Variants in B4GALNT2 observed in about 807,000 individuals in gnomAD.
B4GALNT2 encodes the protein beta-1,4-N-acetyl-galactosaminyltransferase 2 (SID blood group).
A neutral mutation model predicts 51.1 loss-of-function variants in B4GALNT2; 42 were observed. That is an observed-to-expected ratio of 0.82 (90% CI 0.64 to 1.06). B4GALNT2 has a LOEUF of 1.06. Ranked by LOEUF, B4GALNT2 falls within the 50% of genes least tolerant of loss-of-function variation. The probability of loss-of-function intolerance (pLI) is 0.00; values close to 1 mark genes in which losing one functional copy is unlikely to be tolerated. For missense variants in B4GALNT2, 602 were observed against 633.6 expected (o/e 0.95, Z 0.54); for synonymous variants, 253 against 251.7 (o/e 1.01, Z -0.05).
At chr17:49,152,979 G>A (rs902356769) in intron 4 of B4GALNT2, 73 bp downstream of exon 4, 33 of 1,344,260 alleles carry the variant, frequency 2.5e-5, no homozygotes, top group Middle Eastern at 1.8e-4. Context: ...GGGAGAGGTC[G>A]GGTGCAGTGG....
rs1254460083 is a variant in B4GALNT2 at position 49,158,970 on chromosome 17, A to G, written c.499-67A>G. On this transcript the variant is annotated intron_variant, in intron 5 of 10. Transcript: ENST00000393354. ...GCCCTGGCTCCTGGCCTGGGTATGT[A>G]TGTATCTTTCCAGGGAGATATTTTC... is the stretch of plus-strand genomic sequence containing the variant. The G allele has an allele frequency of 3.2e-6, 5 of 1,542,850 alleles. No individual in the cohort carries two copies. The African/African-American group carries it at 4.1e-5, about 13-fold the overall frequency.
intron 1 of B4GALNT2, among the ~76,000 whole-genome samples, chr17:49,133,586 A>G (rs2042561214): frequency 1.3e-5 from 2 of 152,168 alleles, no homozygotes; most frequent in Non-Finnish European, 2.9e-5. Context: ...ATGCAATAAC[A>G]TGTTTGTGAC....
intron 1 of B4GALNT2, among the ~76,000 whole-genome samples, chr17:49,140,156 A>G (rs537254328): frequency 6.6e-6 from 1 of 151,150 alleles, no homozygotes; most frequent in Non-Finnish European, 1.5e-5. Flanking sequence ...GCTGGAGTGC[A>G]GTGGCGTGAT....
intron 1 of B4GALNT2, among the ~76,000 whole-genome samples, chr17:49,137,148 G>A (rs2042598506): frequency 6.6e-6 from 1 of 151,836 alleles, no homozygotes; most frequent in Non-Finnish European, 1.5e-5. Flanking sequence ...CTTCCAATAG[G>A]TATTTTAAAA....
intron 1 of B4GALNT2, chr17:49,133,247 G>A: frequency 6.8e-7 from 1 of 1,465,862 alleles, no homozygotes. Context: ...CGCGGGGACT[G>A]CGGGCTGTGG....
upstream of B4GALNT2, among the ~76,000 whole-genome samples, chr17:49,129,712 G>GGC (rs61199841): frequency 0.51 from 76,264 of 150,492 alleles, 19,623 homozygotes; most frequent in Middle Eastern, 0.6. Context: ...ATTTCTGTGT[G>GGC]GGGGGGGAAG....
chr17:49,121,334 C>T, the B4GALNT2 span, among the ~76,000 whole-genome samples: 75 of 152,312 alleles, frequency 4.9e-4, 1 homozygote, highest in African/African-American at 1.7e-3. Flanking sequence ...TACCTGAGCA[C>T]TCCTCTTGGT....
chr17:49,125,395 G>A, the B4GALNT2 span, among the ~76,000 whole-genome samples: 1 of 152,108 alleles, frequency 6.6e-6, no homozygotes, highest in African/African-American at 2.4e-5. Flanking sequence ...CCTGACCTCA[G>A]GTGATCCTCC....
In B4GALNT2 at chr17:49,174,147, A is replaced by G. The variant is rs2144354788; in HGVS notation, c.*4419A>G. The G allele has an allele frequency of 6.6e-6, 1 of 152,278 alleles. No homozygotes were observed. Among genetic ancestry groups the G allele is most frequent in the Middle Eastern group, 3.4e-3 (1 of 294 alleles). 9.4% of individuals were successfully genotyped at this position (152,278 alleles called of 1,614,324 possible). The stretch of plus-strand genomic sequence containing the variant: ...GAGTAGCAGTCTGAATTTTGTCAGG[A>G]GCTATAATTAAACCAGCATGAGAAA... On this transcript the variant is annotated 3_prime_UTR_variant, in exon 11 of 11. Coordinates refer to ENST00000393354, the MANE Select transcript of B4GALNT2 (RefSeq NM_001159387.2).
At chr17:49,141,219 CAT>C in intron 1 of B4GALNT2, 26 bp from the exon 2 acceptor site, 1 of 1,593,260 alleles carries the variant, frequency 6.3e-7, no homozygotes, top group South Asian at 1.1e-5. Context: ...AAGATTTTAA[CAT>C]AATCTGTTCT....
At position 49,173,026 on chromosome 17, in the gene B4GALNT2, G is replaced by A. The variant is rs1456975527; in HGVS notation, c.*3298G>A. 1 of 152,250 alleles carries A rather than the reference G, an allele frequency of 6.6e-6. No individual in the cohort carries two copies. Among genetic ancestry groups the A allele is most frequent in the Non-Finnish European group, 1.5e-5 (1 of 68,046 alleles). The allele number at this position is 152,250 out of a possible 1,614,324, so 9.4% of individuals were successfully genotyped here. The stretch of plus-strand genomic sequence containing the variant: ...TCCAGGTAATGCCGTATCTGTGTTT[G>A]AGACCAGAGGCATTAACATAGGTTA... On this transcript the variant is annotated 3_prime_UTR_variant, in exon 11 of 11. Coordinates refer to ENST00000393354, the MANE Select transcript of B4GALNT2 (RefSeq NM_001159387.2).
intron 7 of B4GALNT2, among the ~76,000 whole-genome samples, chr17:49,161,547 G>A (rs2042865670): frequency 6.6e-6 from 1 of 152,062 alleles, no homozygotes; most frequent in Admixed American, 6.6e-5. Context: ...GTGCAACAGA[G>A]CAAGACCCTG....
At chr17:49,167,157 GAGA>G (rs10541174) in intron 9 of B4GALNT2, among the ~76,000 whole-genome samples, 31,545 of 151,994 alleles carry the variant, frequency 0.21, 3,712 homozygotes, top group East Asian at 0.5. Flanking sequence ...TAACTTAAGA[GAGA>G]AGATGTTCCA....
At position 49,174,509 on chromosome 17, in the gene B4GALNT2, G is replaced by A. The variant is rs1362925215; in HGVS notation, c.*4781G>A. 3.3e-5 allele frequency: 5 copies of A among 152,232 alleles called. No homozygotes were observed. The highest frequency in any genetic ancestry group is 2.9e-5 in the Non-Finnish European group (2 of 68,046). The allele number at this position is 152,232 out of a possible 1,614,324, so 9.4% of individuals were successfully genotyped here. A position where few individuals can be genotyped will look rare whatever the true frequency, so the allele number is the denominator to read the frequency against. On this transcript the variant is annotated 3_prime_UTR_variant, in exon 11 of 11. Transcript: ENST00000393354. The stretch of plus-strand genomic sequence containing the variant: ...CCAATTCTTTGGAATCATAGCAGGA[G>A]AAGGCAGTCCTGGCTGCAATGTCCC...
chr17:49,169,630 GAGA>G lies in B4GALNT2; in HGVS notation c.1427_1429del (p.Lys476del). On this transcript the variant is annotated inframe_deletion, in exon 11 of 11. Transcript: ENST00000393354. ...GGTGGACTCAGAACTGGCTGCCCTA[GAGA>G]AGACCTACAATACATACCGGTCCAA... 1 of 1,613,290 alleles carries G rather than the reference GAGA, an allele frequency of 6.2e-7. No homozygotes were observed. Among genetic ancestry groups the G allele is most frequent in the African/African-American group, 1.3e-5 (1 of 75,016 alleles).
In B4GALNT2 at chr17:49,160,594, T is replaced by C; in HGVS notation, c.719T>C (p.Val240Ala). ...AGGTCCTCAGTGGCCAAGTTTCCAGTGACCATCCGCCATCCTGTCATACCC... is the reference window on the plus strand; with the variant it reads ...AGGTCCTCAGTGGCCAAGTTTCCAGCGACCATCCGCCATCCTGTCATACCC... ...ESRSSVAKFP[V>A]TIRHPVIPKL... is the part of the protein sequence containing the mutation. The change falls in exon 7 of 11, where the codon GTG becomes GCG. Residue 240 changes from valine (V) to alanine (A), a missense_variant. Coordinates refer to ENST00000393354, the MANE Select transcript of B4GALNT2 (RefSeq NM_001159387.2). The C allele has an allele frequency of 6.2e-7, 1 of 1,614,162 alleles. No homozygotes were observed. The highest frequency in any genetic ancestry group is 8.5e-7 in the Non-Finnish European group (1 of 1,180,032).
intron 3 of B4GALNT2, among the ~76,000 whole-genome samples, chr17:49,151,744 CAAAAA>C (rs58844179): frequency 1.0e-5 from 1 of 99,150 alleles, no homozygotes. Context: ...GACTCTGTCA[CAAAAA>C]AAAAAAAAAA....
At chr17:49,153,446 A>G (rs2042778551) in intron 4 of B4GALNT2, among the ~76,000 whole-genome samples, 1 of 151,990 alleles carries the variant, frequency 6.6e-6, no homozygotes, top group Non-Finnish European at 1.5e-5. Context: ...AAATAAAAGT[A>G]TGGAGCAGAC....
chr17:49,141,349 C>T lies in B4GALNT2; in HGVS notation c.117C>T (p.Ser39=). ...GSMFLQAVFS[S]PKPELPSPAP... ...TGTTCCTTCAAGCAGTGTTCAGCAG[C>T]CCCAAGCCAGAACTCCCAAGTCCTG... Residue 39 remains serine, a synonymous_variant, in exon 2 of 11, where the codon AGC becomes AGT. Coordinates refer to ENST00000393354, the MANE Select transcript of B4GALNT2 (RefSeq NM_001159387.2). 1.2e-6 allele frequency: 2 copies of T among 1,614,120 alleles called. No homozygotes were observed. The highest frequency in any genetic ancestry group is 2.2e-5 in the South Asian group (2 of 91,082).
Sources: allele counts gnomAD v4.1 joint callset (sites outside exome capture counted in the v4.1 genomes callset), GRCh38; gene constraint gnomAD v4.1.1; transcripts MANE v1.5; gene names NCBI Gene and HGNC (gene_info 2026-07-23, HGNC 2026-07-21).